The following CAPN5 variants were observed in gnomAD, a reference collection of about 807,000 sequenced individuals.
CAPN5 encodes calpain 5, also known as calpain-5.
Under a neutral mutation model 73.0 loss-of-function variants are expected in CAPN5, and 54 were observed. The observed-to-expected ratio is 0.74, with a 90% CI of 0.59 to 0.93. The LOEUF is 0.93. Among genes scored for constraint, CAPN5 ranks in the 40% least tolerant of loss-of-function variants. The probability of loss-of-function intolerance (pLI) is 0.00; values close to 1 mark genes in which losing one functional copy is unlikely to be tolerated. For missense variants in CAPN5, 785 were observed against 882.9 expected, an observed-to-expected ratio of 0.89 and a Z score of 1.41; for synonymous variants, 335 against 356.9, an observed-to-expected ratio of 0.94 and a Z score of 0.69.
At chr11:77,100,441 C>T (rs1950272645) in intron 3 of CAPN5, among the ~76,000 whole-genome samples, 5 of 152,002 alleles carry the variant, frequency 3.3e-5, no homozygotes. Context: ...GTCTGTGAGA[C>T]TCAAGCTCCC....
chr11:77,116,182 C>T (rs369928182), intron 6 of CAPN5, 44 bp from the exon 7 acceptor site: 2 of 1,558,750 alleles, frequency 1.3e-6, no homozygotes, highest in Non-Finnish European at 1.7e-6. Flanking sequence ...GTGGGGCTGC[C>T]TCTTAGACAG....
chr11:77,107,972 G>A lies in CAPN5; in HGVS notation c.298-4617G>A, dbSNP rs568209490. Among the ~76,000 whole-genome samples the A allele has an allele frequency of 1.4e-4, 22 of 152,320 alleles. 1 individual carries two copies. Among genetic ancestry groups the A allele is most frequent in the Middle Eastern group, 6.8e-3 (2 of 294 alleles). The stretch of plus-strand genomic sequence containing the variant: ...CTACAGTTTATGAAAGAGCTCCAAG[G>A]CTGTCTCCTTTAGTTCTCATAACAG... On this transcript the variant is annotated intron_variant, in intron 3 of 12. Transcript: ENST00000648180.
At position 77,106,043 on chromosome 11, in the gene CAPN5, G is replaced by A. The variant is rs879945862; in HGVS notation, c.298-6546G>A. 3.7e-4 allele frequency among the ~76,000 whole-genome samples: 57 copies of A among 152,250 alleles called. 1 individual carries two copies. Among genetic ancestry groups the A allele is most frequent in the Admixed American group, 1.2e-3 (19 of 15,292 alleles). ...CCCACCCACCTGAGAACCCAGGCTCGGGTTGGGCTGGCTTCTTTCCTGGAG... is the reference window on the plus strand; with the variant it reads ...CCCACCCACCTGAGAACCCAGGCTCAGGTTGGGCTGGCTTCTTTCCTGGAG... On this transcript the variant is annotated intron_variant, in intron 3 of 12. Transcript: ENST00000648180.
intron 3 of CAPN5, among the ~76,000 whole-genome samples, chr11:77,097,507 GT>G (rs1364187796): frequency 9.7e-6 from 1 of 103,106 alleles, no homozygotes; most frequent in Admixed American, 1.1e-4. Flanking sequence ...ATTCTTGGGT[GT>G]TTCTCACAGA....
intron 2 of CAPN5, among the ~76,000 whole-genome samples, chr11:77,086,532 T>C (rs1360686013): frequency 6.6e-6 from 1 of 152,240 alleles, no homozygotes; most frequent in Non-Finnish European, 1.5e-5. Flanking sequence ...ACTGACTCTC[T>C]GGAAGGCCCA....
In CAPN5 at chr11:77,115,559, G is replaced by A. The variant is rs1950458724; in HGVS notation, c.864G>A (p.Glu288=). The part of the protein sequence containing the change: ...DMIRLRNPWG[E]REWNGPWSDT... ...TCCGCCTGCGCAACCCCTGGGGCGA[G>A]CGGGAGTGGAACGGGCCCTGGAGTG... Residue 288 remains glutamate (E), a synonymous_variant, in exon 6 of 13, where the codon GAG becomes GAA. Coordinates refer to ENST00000648180, the MANE Select transcript of CAPN5 (RefSeq NM_004055.5). 1.2e-6 allele frequency: 2 copies of A among 1,612,372 alleles called. No homozygotes were observed. The highest frequency in any genetic ancestry group is 8.5e-7 in the Non-Finnish European group (1 of 1,179,782).
intron 10 of CAPN5, among the ~76,000 whole-genome samples, chr11:77,121,247 T>C (rs756425720): frequency 1.3e-5 from 2 of 152,230 alleles, no homozygotes; most frequent in Non-Finnish European, 2.9e-5. Flanking sequence ...TCTGAGGTCA[T>C]GCAGCCAGCG....
chr11:77,073,078 G>C lies in CAPN5; in HGVS notation c.-36+5984G>C, dbSNP rs552615031. On this transcript the variant is annotated intron_variant, in intron 1 of 12. Transcript: ENST00000648180. The stretch of plus-strand genomic sequence containing the variant: ...ATGTCCTGCACAGGGACGCCCAGCT[G>C]TATCTACCTGCTGTCAGCACTTTCT... The C allele has an allele frequency of 5.0e-5, 65 of 1,289,798 alleles. No individual in the cohort carries two copies. The African/African-American group carries it at 7.1e-4, about 14-fold the overall frequency. 79.9% of individuals were successfully genotyped at this position (1,289,798 alleles called of 1,614,324 possible).
chr11:77,122,710 C>T lies in CAPN5; in HGVS notation c.1738C>T (p.Gln580Ter). The T allele has an allele frequency of 1.9e-6, 3 of 1,613,352 alleles. No homozygotes were observed. The highest frequency in any genetic ancestry group is 2.5e-6 in the Non-Finnish European group (3 of 1,179,904). Reference protein sequence around the residue: ...RKKLSQPITVQVWNHRVLKDE... With the variant: ...RKKLSQPITV ...GAAGCTGAGCCAGCCCATCACTGTACAGGTGAGCCCCCTGGTCCAGAGGCC... is the reference window on the plus strand; with the variant it reads ...GAAGCTGAGCCAGCCCATCACTGTATAGGTGAGCCCCCTGGTCCAGAGGCC... Residue 580 changes from glutamine (Q) to a stop codon, truncating the protein, a stop_gained and splice_region_variant, in exon 12 of 13, where the codon CAG becomes TAG. Coordinates refer to ENST00000648180, the MANE Select transcript of CAPN5 (RefSeq NM_004055.5). LOFTEE classifies it high-confidence loss of function.
intron 1 of CAPN5, among the ~76,000 whole-genome samples, chr11:77,075,248 T>A (rs1949957203): frequency 6.6e-6 from 1 of 152,024 alleles, no homozygotes; most frequent in Admixed American, 6.5e-5. Context: ...TCCTCAGGGC[T>A]GAAAACATCC....
chr11:77,090,843 G>C (rs1950141017), intron 2 of CAPN5, among the ~76,000 whole-genome samples: 1 of 152,222 alleles, frequency 6.6e-6, no homozygotes, highest in Non-Finnish European at 1.5e-5. Flanking sequence ...GCTGGATGTG[G>C]GGTGTGGTCC....
chr11:77,123,855 C>T lies in CAPN5; in HGVS notation c.1908C>T (p.Ser636=), dbSNP rs1950548855. The part of the protein sequence containing the change: ...TVAVHILSST[S]LMAV ...CCGTGCACATTCTCAGCAGCACCTCCCTCATGGCTGTCTGACACCTGCCCA... is the reference window on the plus strand; with the variant it reads ...CCGTGCACATTCTCAGCAGCACCTCTCTCATGGCTGTCTGACACCTGCCCA... Residue 636 remains serine, a synonymous_variant, in exon 13 of 13, where the codon TCC becomes TCT. Coordinates refer to ENST00000648180, the MANE Select transcript of CAPN5 (RefSeq NM_004055.5). 10 of 1,613,348 alleles carry T rather than the reference C, an allele frequency of 6.2e-6. No individual in the cohort carries two copies. The highest frequency in any genetic ancestry group is 8.5e-6 in the Non-Finnish European group (10 of 1,179,824).
At chr11:77,071,681 G>A (rs1321447407) in intron 1 of CAPN5, 11 of 449,430 alleles carry the variant, frequency 2.4e-5, no homozygotes, top group East Asian at 1.4e-4. Context: ...ATCTGAGGAC[G>A]GGTATGTGGA....
At chr11:77,071,089 G>A (rs2135403752) in intron 1 of CAPN5, among the ~76,000 whole-genome samples, 1 of 152,280 alleles carries the variant, frequency 6.6e-6, no homozygotes, top group South Asian at 2.1e-4. Context: ...GCCCACCCCA[G>A]GAGCTGACAG....
chr11:77,105,948 G>T (rs1017611389), intron 3 of CAPN5, among the ~76,000 whole-genome samples: 3 of 152,180 alleles, frequency 2.0e-5, no homozygotes, highest in Non-Finnish European at 4.4e-5. Context: ...GGTGTGGGTG[G>T]GCCAGGCTCT....
chr11:77,071,256 C>T (rs1264451702), intron 1 of CAPN5, among the ~76,000 whole-genome samples: 9 of 152,192 alleles, frequency 5.9e-5, no homozygotes, highest in African/African-American at 1.9e-4. Context: ...GCTGCTGTAG[C>T]CCTGGCCCCA....
rs576001131 is a variant in CAPN5, at chr11:77,066,988, C to G, written c.-142C>G. 1 of 152,042 alleles carries G rather than the reference C, an allele frequency of 6.6e-6. No homozygotes were observed. Among genetic ancestry groups the G allele is most frequent in the Admixed American group, 6.6e-5 (1 of 15,262 alleles). 9.4% of individuals were successfully genotyped at this position (152,042 alleles called of 1,614,324 possible). A position where few individuals can be genotyped will look rare whatever the true frequency, so the allele number is the denominator to read the frequency against. On this transcript the variant is annotated 5_prime_UTR_variant, in exon 1 of 13. Coordinates refer to ENST00000648180, the MANE Select transcript of CAPN5 (RefSeq NM_004055.5). The stretch of plus-strand genomic sequence containing the variant: ...CGCAGGCCAGTCCCAGCTGGATCTC[C>G]GGCCAGAGCCCGAGGCTGCTGCGCC...
rs781900040 is a variant in CAPN5 at position 77,114,305 on chromosome 11, G to T, written c.570G>T (p.Thr190=). The change falls in exon 5 of 13, where the codon ACG becomes ACT. Residue 190 remains threonine (T), a synonymous_variant. Transcript: ENST00000648180. ...GNTADALVDF[T]GGVSEPIDLT... is the part of the protein sequence containing the mutation. ...CAGCAGACGCACTGGTGGACTTCAC[G>T]GGTGGTGTTTCTGAGCCCATCGACC... 2 of 1,614,184 alleles carry T rather than the reference G, an allele frequency of 1.2e-6. No homozygotes were observed. The highest frequency in any genetic ancestry group is 3.3e-4 in the Middle Eastern group (2 of 6,062).
intron 3 of CAPN5, chr11:77,102,699 TG>T: frequency 1.0e-6 from 1 of 998,590 alleles, no homozygotes; most frequent in South Asian, 1.7e-5. Flanking sequence ...TGAGTGGGGC[TG>T]GGAAGAGCCA....
Sources: gnomAD v4.1 joint callset for allele counts (sites outside exome capture counted in the v4.1 genomes callset) on GRCh38, gnomAD v4.1.1 for gene constraint, MANE v1.5 for transcripts, NCBI Gene and HGNC (gene_info 2026-07-23, HGNC 2026-07-21) for gene names.